The following SHISA9 variants were observed in gnomAD, a reference collection of about 807,000 sequenced individuals.
SHISA9 encodes the protein protein shisa-9.
In SHISA9, 13 loss-of-function variants were observed where a neutral mutation model predicts 38.0. The observed-to-expected ratio is 0.34, with a 90% CI of 0.22 to 0.54. The LOEUF is 0.54. SHISA9 is among the 20% of genes least tolerant of loss of function. The pLI is 0.91. For missense variants in SHISA9, 538 were observed against 575.8 expected, an observed-to-expected ratio of 0.93 and a Z score of 0.67; for synonymous variants, 275 against 242.0, an observed-to-expected ratio of 1.14 and a Z score of -1.27.
chr16:13,384,009 T>C, the SHISA9 span, among the ~76,000 whole-genome samples: 1 of 152,132 alleles, frequency 6.6e-6, no homozygotes, highest in African/African-American at 2.4e-5. Flanking sequence ...TTTTACAGGG[T>C]GCAGGTGTTT....
chr16:13,477,626 G>A, the SHISA9 span, among the ~76,000 whole-genome samples: 11 of 152,116 alleles, frequency 7.2e-5, no homozygotes, highest in Admixed American at 4.6e-4. Flanking sequence ...CAAACAAAAC[G>A]AAAGTATTTC....
chr16:12,985,290 T>A (rs2072293753), intron 2 of SHISA9, among the ~76,000 whole-genome samples: 1 of 151,816 alleles, frequency 6.6e-6, no homozygotes, highest in South Asian at 2.1e-4. Context: ...AGGTGTTGGA[T>A]GGGAGAGGGT....
the SHISA9 span, among the ~76,000 whole-genome samples, chr16:13,247,729 A>T: frequency 2.0e-5 from 3 of 152,230 alleles, no homozygotes; most frequent in Non-Finnish European, 4.4e-5. Flanking sequence ...AAGAAATGTC[A>T]TGGTTGCTAG....
At chr16:13,440,956 C>T in the SHISA9 span, among the ~76,000 whole-genome samples, 1 of 151,918 alleles carries the variant, frequency 6.6e-6, no homozygotes, top group African/African-American at 2.4e-5. Flanking sequence ...TGATATATTC[C>T]AGATCCCGGG....
intron 2 of SHISA9, among the ~76,000 whole-genome samples, chr16:13,195,201 TC>T (rs2050925552): frequency 6.6e-6 from 1 of 152,202 alleles, no homozygotes. Flanking sequence ...AATGGTTGAT[TC>T]TTGGACCAGG....
chr16:13,544,958 G>A, the SHISA9 span, among the ~76,000 whole-genome samples: 3 of 152,098 alleles, frequency 2.0e-5, no homozygotes, highest in East Asian at 5.8e-4. Flanking sequence ...AACAATAGAA[G>A]ACTGATAGTG....
chr16:13,175,437 C>T (rs1458858157), intron 2 of SHISA9, among the ~76,000 whole-genome samples: 2 of 151,928 alleles, frequency 1.3e-5, no homozygotes, highest in Non-Finnish European at 2.9e-5. Flanking sequence ...TCCAGAGATG[C>T]TATAAGGAGT....
chr16:13,192,727 T>C (rs2050897652), intron 2 of SHISA9, among the ~76,000 whole-genome samples: 1 of 152,000 alleles, frequency 6.6e-6, no homozygotes, highest in Admixed American at 6.6e-5. Context: ...TACAAAAAAT[T>C]ACCCGGGCGT....
intron 2 of SHISA9, among the ~76,000 whole-genome samples, chr16:12,973,086 A>T (rs576470233): frequency 5.1e-4 from 77 of 152,332 alleles, no homozygotes; most frequent in African/African-American, 1.8e-3. Context: ...GCTGTACTCC[A>T]GCCTGGGCAA....
chr16:13,263,715 G>C, the SHISA9 span, among the ~76,000 whole-genome samples: 153 of 152,286 alleles, frequency 1.0e-3, 1 homozygote, highest in African/African-American at 3.5e-3. Flanking sequence ...CTACATGACT[G>C]TGTATAAAAT....
At chr16:13,008,003 G>A (rs574395478) in intron 2 of SHISA9, among the ~76,000 whole-genome samples, 128 of 152,240 alleles carry the variant, frequency 8.4e-4, no homozygotes, top group Non-Finnish European at 1.4e-3. Context: ...GCTTTGTACC[G>A]CAAGCCTCTG....
intron 2 of SHISA9, among the ~76,000 whole-genome samples, chr16:13,000,509 C>T (rs540862233): frequency 1.3e-5 from 2 of 152,256 alleles, no homozygotes; most frequent in Admixed American, 1.3e-4. Flanking sequence ...TGGTCACTGG[C>T]TCTGGGCTAC....
intron 2 of SHISA9, among the ~76,000 whole-genome samples, chr16:12,989,110 G>C (rs2072350792): frequency 6.6e-6 from 1 of 152,162 alleles, no homozygotes; most frequent in Non-Finnish European, 1.5e-5. Flanking sequence ...CATTCTCTGA[G>C]CTTATAGAAC....
intron 2 of SHISA9, among the ~76,000 whole-genome samples, chr16:13,015,825 CT>C (rs1854930647): frequency 7.4e-6 from 1 of 135,004 alleles, no homozygotes; most frequent in Non-Finnish European, 1.7e-5. Flanking sequence ...TTGTTTGTTT[CT>C]CTCTCTCTCT....
intron 2 of SHISA9, among the ~76,000 whole-genome samples, chr16:13,169,278 A>C (rs1438445070): frequency 6.6e-6 from 1 of 152,224 alleles, no homozygotes; most frequent in Non-Finnish European, 1.5e-5. Flanking sequence ...TGATTAGTTC[A>C]TTACGAAAAT....
chr16:13,049,729 T>A (rs1174590025), intron 2 of SHISA9, among the ~76,000 whole-genome samples: 1 of 152,094 alleles, frequency 6.6e-6, no homozygotes. Flanking sequence ...CTGCTTCTCC[T>A]CCTTGGGCAG....
At chr16:13,067,044 A>C (rs2073443260) in intron 2 of SHISA9, among the ~76,000 whole-genome samples, 1 of 152,214 alleles carries the variant, frequency 6.6e-6, no homozygotes, top group Admixed American at 6.5e-5. Flanking sequence ...GGATGTTCAA[A>C]TAGGAAGGAA....
chr16:12,914,173 G>C (rs1300016127), intron 1 of SHISA9, among the ~76,000 whole-genome samples: 1 of 151,288 alleles, frequency 6.6e-6, no homozygotes, highest in Non-Finnish European at 1.5e-5. Context: ...AGCCTCCCGA[G>C]TAGCTGGGAC....
chr16:12,936,294 T>C (rs1322096622), intron 2 of SHISA9, among the ~76,000 whole-genome samples: 1 of 152,190 alleles, frequency 6.6e-6, no homozygotes, highest in Admixed American at 6.5e-5. Context: ...CTGGGGATAC[T>C]TGAGCAGTTG....
Sources: allele counts gnomAD v4.1 joint callset (sites outside exome capture counted in the v4.1 genomes callset), GRCh38; gene constraint gnomAD v4.1.1; transcripts MANE v1.5; gene names NCBI Gene and HGNC (gene_info 2026-07-23, HGNC 2026-07-21).